Variants in SLC8A3 observed in about 807,000 individuals in gnomAD.
SLC8A3 encodes the protein sodium/calcium exchanger 3.
In SLC8A3, 37 loss-of-function variants were observed where a neutral mutation model predicts 65.4. The ratio of observed to expected loss-of-function variants is 0.57; its 90% confidence interval spans 0.44 to 0.74. The LOEUF (loss-of-function observed/expected upper bound fraction) is 0.74. Ranked by LOEUF, SLC8A3 falls within the 30% of genes least tolerant of loss-of-function variation. SLC8A3 has a pLI of 0.00. For synonymous variants in SLC8A3, 461 were observed against 444.5 expected (o/e 1.04, Z -0.47); for missense variants, 1,112 against 1,172.1 (o/e 0.95, Z 0.75).
At chr14:70,051,960 T>G (rs184116710) in intron 4 of SLC8A3, 30 bp downstream of exon 4, 15 of 1,592,620 alleles carry the variant, frequency 9.4e-6, no homozygotes, top group Non-Finnish European at 1.3e-5. Flanking sequence ...ATTTATTTAT[T>G]ATTCAATTAG....
intron 2 of SLC8A3, among the ~76,000 whole-genome samples, chr14:70,144,618 A>G (rs1367984852): frequency 7.7e-6 from 1 of 130,472 alleles, no homozygotes; most frequent in East Asian, 2.4e-4. Flanking sequence ...CAACAGAGCG[A>G]GACTCCACCT....
chr14:70,055,543 G>A (rs1888010100), intron 3 of SLC8A3, among the ~76,000 whole-genome samples: 1 of 152,036 alleles, frequency 6.6e-6, no homozygotes, highest in South Asian at 2.1e-4. Context: ...TCTCTTCCTG[G>A]TCCCAGAGAG....
At chr14:70,182,425 G>T (rs1882831720) in intron 1 of SLC8A3, among the ~76,000 whole-genome samples, 1 of 152,110 alleles carries the variant, frequency 6.6e-6, no homozygotes, top group African/African-American at 2.4e-5. Flanking sequence ...TGGGAGAGAG[G>T]AGAGAATCTT....
chr14:70,138,527 A>T (rs573155443), intron 2 of SLC8A3, among the ~76,000 whole-genome samples: 6 of 152,364 alleles, frequency 3.9e-5, no homozygotes, highest in African/African-American at 1.4e-4. Context: ...GGAATCAAGC[A>T]GATTGAATCC....
chr14:70,113,907 A>AT (rs57719661), intron 2 of SLC8A3, among the ~76,000 whole-genome samples: 143,171 of 151,358 alleles, frequency 0.95, 68,201 homozygotes, highest in Non-Finnish European at 1. Context: ...CCTAGGGGAC[A>AT]TTTTTTTTTC....
intron 2 of SLC8A3, among the ~76,000 whole-genome samples, chr14:70,147,571 G>T (rs555841431): frequency 1.3e-5 from 2 of 152,154 alleles, no homozygotes; most frequent in Admixed American, 1.3e-4. Context: ...TGACTATTAA[G>T]CCTTGACTTT....
intron 2 of SLC8A3, among the ~76,000 whole-genome samples, chr14:70,100,416 T>C (rs969503072): frequency 2.6e-5 from 4 of 152,340 alleles, no homozygotes; most frequent in African/African-American, 7.2e-5. Context: ...GGCTTCTCGA[T>C]TGATGGCTGA....
Position 70,167,258 on chromosome 14 carries a change from C to T in SLC8A3, c.1165G>A (p.Asp389Asn), listed in dbSNP as rs775830117. Residue 389 changes from aspartate to asparagine, a missense_variant, in exon 2 of 7, where the codon GAT becomes AAT. Transcript: ENST00000356921. ...TTGGAAATAAAGTCCTCAGGCTCAT[C>T]GGTGTGCACCTCGCTCATGCTGGAG... ...KASSMSEVHT[D>N]EPEDFISKVF... is the part of the protein sequence containing the mutation. 3.5e-5 allele frequency: 56 copies of T among 1,614,040 alleles called. No homozygotes were observed. Among genetic ancestry groups the T allele is most frequent in the South Asian group, 5.5e-5 (5 of 91,088 alleles).
chr14:70,148,105 T>G (rs1201416433), intron 2 of SLC8A3, among the ~76,000 whole-genome samples: 1 of 152,240 alleles, frequency 6.6e-6, no homozygotes, highest in African/African-American at 2.4e-5. Context: ...CAGTACAATA[T>G]TCAATAAATT....
At chr14:70,180,688 A>C (rs1048937299) in intron 1 of SLC8A3, among the ~76,000 whole-genome samples, 1 of 152,192 alleles carries the variant, frequency 6.6e-6, no homozygotes, top group African/African-American at 2.4e-5. Flanking sequence ...ATGGCTCTAA[A>C]CACATCTTTT....
At chr14:70,099,979 C>G (rs1445964131) in intron 2 of SLC8A3, among the ~76,000 whole-genome samples, 1 of 152,176 alleles carries the variant, frequency 6.6e-6, no homozygotes, top group Non-Finnish European at 1.5e-5. Context: ...TGCTGACTTA[C>G]CCATGGCTTC....
chr14:70,047,858 T>A (rs780634388), intron 6 of SLC8A3: 1 of 152,260 alleles, frequency 6.6e-6, no homozygotes, highest in Non-Finnish European at 1.5e-5. Context: ...CCTGTCTACC[T>A]GCTAACTCCT....
intron 1 of SLC8A3, among the ~76,000 whole-genome samples, chr14:70,184,169 A>C (rs1594829856): frequency 1.3e-5 from 2 of 151,974 alleles, no homozygotes; most frequent in African/African-American, 4.8e-5. Flanking sequence ...GAAAGAAGAA[A>C]CCCCCGCCCT....
chr14:70,104,012 G>A (rs1450760029), intron 2 of SLC8A3, among the ~76,000 whole-genome samples: 1 of 151,990 alleles, frequency 6.6e-6, no homozygotes, highest in Non-Finnish European at 1.5e-5. Flanking sequence ...AAGACTTCAA[G>A]ATAAAGAATA....
intron 2 of SLC8A3, among the ~76,000 whole-genome samples, chr14:70,102,389 T>C (rs963164173): frequency 3.3e-5 from 5 of 152,196 alleles, no homozygotes; most frequent in Admixed American, 6.5e-5. Context: ...AAAAGGAAGA[T>C]AATGTAATTG....
intron 2 of SLC8A3, among the ~76,000 whole-genome samples, chr14:70,081,475 G>T (rs957133174): frequency 2.0e-5 from 3 of 152,204 alleles, no homozygotes; most frequent in African/African-American, 7.2e-5. Context: ...GCAGCCTGAA[G>T]TCAGGCATGT....
chr14:70,141,014 T>C (rs1202772377), intron 2 of SLC8A3, among the ~76,000 whole-genome samples: 1 of 152,208 alleles, frequency 6.6e-6, no homozygotes. Context: ...ACTGCTGTGA[T>C]AAAAAGACAG....
rs762889923 is a variant in SLC8A3, at chr14:70,166,768, A to C, written c.1655T>G (p.Val552Gly). 6.2e-7 allele frequency: 1 copy of C among 1,613,984 alleles called. No individual in the cohort carries two copies. The highest frequency in any genetic ancestry group is 1.7e-5 in the Admixed American group (1 of 60,020). ...ACCCCGGGCACCTGATGTCCGCAGA[A>C]CCTTGACCTCCATAACACCAATACT... ...SESIGVMEVK[V>G]LRTSGARGTV... The change falls in exon 2 of 7, where the codon GTT becomes GGT. Residue 552 changes from valine to glycine, a missense_variant. Physicochemically the swap from Val to Gly is moderately radical, Grantham distance 109. Transcript: ENST00000356921.
intron 2 of SLC8A3, among the ~76,000 whole-genome samples, chr14:70,132,757 A>C (rs1298833128): frequency 1.3e-5 from 2 of 152,200 alleles, no homozygotes; most frequent in African/African-American, 4.8e-5. Context: ...CTATGAGCAA[A>C]TGTGTGTTGT....
Sources: gnomAD v4.1 joint callset for allele counts (sites outside exome capture counted in the v4.1 genomes callset) on GRCh38, gnomAD v4.1.1 for gene constraint, MANE v1.5 for transcripts, NCBI Gene and HGNC (gene_info 2026-07-23, HGNC 2026-07-21) for gene names.